The following KMT2C variants were observed in gnomAD, a reference collection of about 807,000 sequenced individuals.
KMT2C encodes the protein lysine methyltransferase 2C, also known as histone-lysine N-methyltransferase 2C.
Under a neutral mutation model 507.9 loss-of-function variants are expected in KMT2C, and 88 were observed. The ratio of observed to expected loss-of-function variants is 0.17; its 90% CI spans 0.15 to 0.21. KMT2C has a LOEUF of 0.21. Ranked by LOEUF, KMT2C falls within the 10% of genes least tolerant of loss-of-function variation. The pLI, the probability that KMT2C is intolerant of heterozygous loss-of-function variation, is 1.00. For synonymous variants in KMT2C, 2,049 were observed against 2,080.8 expected (o/e 0.98, Z 0.42); for missense variants, 4,954 against 5,957.8 (o/e 0.83, Z 5.55).
chr7:152,219,132 G>T (rs1241224625), intron 23 of KMT2C, among the ~76,000 whole-genome samples: 1 of 151,990 alleles, frequency 6.6e-6, no homozygotes, highest in Non-Finnish European at 1.5e-5. Context: ...ACTGAGCCCG[G>T]CTAATTTTTG....
intron 40 of KMT2C, among the ~76,000 whole-genome samples, chr7:152,170,647 T>C (rs1341298693): frequency 6.6e-6 from 1 of 152,004 alleles, no homozygotes; most frequent in Admixed American, 6.6e-5. Flanking sequence ...GGACTATAGG[T>C]GTGCGCCACC....
intron 2 of KMT2C, among the ~76,000 whole-genome samples, chr7:152,352,355 CTGGTCCTG>C (rs1159542084): frequency 1.3e-5 from 2 of 152,202 alleles, no homozygotes; most frequent in African/African-American, 2.4e-5. Context: ...TAATTTCGCC[CTGGTCCTG>C]TGGTCCTGTG....
chr7:152,287,065 G>A (rs973262618), intron 6 of KMT2C, among the ~76,000 whole-genome samples: 6 of 152,304 alleles, frequency 3.9e-5, no homozygotes, highest in African/African-American at 1.4e-4. Flanking sequence ...TGATACCACA[G>A]CAGGCCAACT....
chr7:152,377,207 C>T (rs4726151), intron 1 of KMT2C, among the ~76,000 whole-genome samples: 99 of 147,194 alleles, frequency 6.7e-4, no homozygotes, highest in South Asian at 1.1e-3. Context: ...GACAGCACAT[C>T]TGTTTAGAGG....
At chr7:152,194,405 T>C (rs2093902900) in intron 29 of KMT2C, 35 bp downstream of exon 29, 1 of 1,597,534 alleles carries the variant, frequency 6.3e-7, no homozygotes, top group Non-Finnish European at 8.5e-7. Context: ...TACTCAGGTC[T>C]TTTAGAAAGC....
At chr7:152,194,655 T>C (rs2093910012) in intron 28 of KMT2C, 87 bp from the exon 29 acceptor site, 2 of 917,148 alleles carry the variant, frequency 2.2e-6, no homozygotes, top group East Asian at 5.4e-5. Context: ...ACTTAGTATA[T>C]AACAATATGA....
At chr7:152,347,380 AT>A (rs1417877622) in intron 2 of KMT2C, among the ~76,000 whole-genome samples, 4 of 152,224 alleles carry the variant, frequency 2.6e-5, no homozygotes, top group Admixed American at 1.3e-4. Flanking sequence ...GTTATGCACA[AT>A]TTATAGCACT....
At chr7:152,386,509 C>G (rs34053137) in intron 1 of KMT2C, among the ~76,000 whole-genome samples, 1 of 152,142 alleles carries the variant, frequency 6.6e-6, no homozygotes, top group African/African-American at 2.4e-5. Context: ...CATTTCCCAG[C>G]TTCCCTTTCA....
At chr7:152,425,845 A>G (rs1191531370) in intron 1 of KMT2C, among the ~76,000 whole-genome samples, 1 of 152,104 alleles carries the variant, frequency 6.6e-6, no homozygotes, top group Non-Finnish European at 1.5e-5. Flanking sequence ...ATCGATTACA[A>G]TAAGGTGTAA....
intron 14 of KMT2C, among the ~76,000 whole-genome samples, chr7:152,245,761 C>T (rs1588545199): frequency 6.6e-6 from 1 of 152,076 alleles, no homozygotes; most frequent in East Asian, 1.9e-4. Context: ...AATTTGCCCA[C>T]CATGAAACAG....
chr7:152,271,685 A>C (rs1423291531), intron 7 of KMT2C, among the ~76,000 whole-genome samples: 1 of 151,618 alleles, frequency 6.6e-6, no homozygotes, highest in East Asian at 1.9e-4. Context: ...AAAAAAAAAA[A>C]AAAAAAAAAA....
chr7:152,288,120 C>T (rs1177266458), intron 6 of KMT2C, among the ~76,000 whole-genome samples: 1 of 145,646 alleles, frequency 6.9e-6, no homozygotes, highest in Non-Finnish European at 1.5e-5. Context: ...GAAACAAATA[C>T]CAAGTTGAAA....
chr7:152,216,282 T>C (rs1431571977), intron 23 of KMT2C, among the ~76,000 whole-genome samples: 1 of 152,210 alleles, frequency 6.6e-6, no homozygotes, highest in Non-Finnish European at 1.5e-5. Flanking sequence ...GAAAGAAGTA[T>C]GCTTTTATTG....
intron 2 of KMT2C, among the ~76,000 whole-genome samples, chr7:152,331,642 A>ATTTTTT (rs34778581): frequency 6.0e-5 from 6 of 99,300 alleles, no homozygotes; most frequent in African/African-American, 8.8e-5. Context: ...CAACAAAAAG[A>ATTTTTT]TTTTTTTTTT....
At chr7:152,320,092 G>A (rs894422958) in intron 3 of KMT2C, among the ~76,000 whole-genome samples, 5 of 151,818 alleles carry the variant, frequency 3.3e-5, no homozygotes, top group South Asian at 4.2e-4. Flanking sequence ...TCTCGTCTCC[G>A]CACACGGGGA....
intron 2 of KMT2C, among the ~76,000 whole-genome samples, chr7:152,341,637 A>G (rs1187727222): frequency 6.6e-6 from 1 of 152,202 alleles, no homozygotes; most frequent in Non-Finnish European, 1.5e-5. Context: ...GACAACACCA[A>G]TATCTACCAC....
At chr7:152,201,977 G>A (rs2094158089) in intron 26 of KMT2C, among the ~76,000 whole-genome samples, 1 of 152,156 alleles carries the variant, frequency 6.6e-6, no homozygotes, top group Non-Finnish European at 1.5e-5. Flanking sequence ...TAAGATGTTA[G>A]TAGCTACAAA....
At chr7:152,350,784 C>A (rs573675315) in intron 2 of KMT2C, among the ~76,000 whole-genome samples, 2 of 152,174 alleles carry the variant, frequency 1.3e-5, no homozygotes, top group Non-Finnish European at 2.9e-5. Flanking sequence ...TTTTTCTTTG[C>A]TCAGTAATAA....
chr7:152,288,937 C>T (rs2096356890), intron 6 of KMT2C, among the ~76,000 whole-genome samples: 1 of 152,288 alleles, frequency 6.6e-6, no homozygotes, highest in Non-Finnish European at 1.5e-5. Flanking sequence ...CCAGCAAAAA[C>T]ATCCATTAGT....
Sources: allele counts gnomAD v4.1 joint callset (sites outside exome capture counted in the v4.1 genomes callset), GRCh38; gene constraint gnomAD v4.1.1; transcripts MANE v1.5; gene names NCBI Gene and HGNC (gene_info 2026-07-23, HGNC 2026-07-21).